LRTM1: variants seen among roughly 807,000 people sequenced by gnomAD.
LRTM1 encodes the protein leucine-rich repeat and transmembrane domain-containing protein 1.
Under a neutral mutation model 32.4 loss-of-function variants are expected in LRTM1, and 38 were observed. That is an observed-to-expected ratio of 1.17 (90% CI 0.91 to 1.54). The LOEUF (loss-of-function observed/expected upper bound fraction) is 1.54, where lower values mean the gene tolerates loss of function less well. Among genes scored for constraint, LRTM1 ranks in the 40% most tolerant of loss-of-function variants. The probability of loss-of-function intolerance (pLI) is 0.00; values close to 1 mark genes in which losing one functional copy is unlikely to be tolerated. For synonymous variants in LRTM1, 186 were observed against 169.9 expected (o/e 1.09, Z -0.74); for missense variants, 466 against 415.4 (o/e 1.12, Z -1.06).
At chr3:54,949,019 G>A (rs1231166165) in intron 1 of LRTM1, among the ~76,000 whole-genome samples, 1 of 152,202 alleles carries the variant, frequency 6.6e-6, no homozygotes, top group Non-Finnish European at 1.5e-5. Flanking sequence ...AAGTTTCTCA[G>A]TCTCTTGTTT....
intron 1 of LRTM1, among the ~76,000 whole-genome samples, chr3:54,957,659 GGGCCTTT>G (rs1701934372): frequency 1.3e-5 from 2 of 151,624 alleles, no homozygotes; most frequent in Admixed American, 1.3e-4. Flanking sequence ...TACGACTGAT[GGGCCTTT>G]GGCAAACTCA....
chr3:54,922,345 A>C (rs994712676), intron 2 of LRTM1, among the ~76,000 whole-genome samples: 5 of 151,100 alleles, frequency 3.3e-5, no homozygotes, highest in Non-Finnish European at 7.4e-5. Flanking sequence ...TTTAATCAAG[A>C]AATGTTCTTT....
chr3:54,925,458 C>G (rs535429886), intron 1 of LRTM1, among the ~76,000 whole-genome samples: 2 of 152,154 alleles, frequency 1.3e-5, no homozygotes, highest in South Asian at 4.1e-4. Context: ...GAAAGATACT[C>G]TCAGTGTCTT....
chr3:54,956,386 C>T (rs1031573634), intron 1 of LRTM1, among the ~76,000 whole-genome samples: 3 of 152,336 alleles, frequency 2.0e-5, no homozygotes, highest in Middle Eastern at 3.4e-3. Flanking sequence ...GACAATTTTG[C>T]TGTGTCAGGC....
intron 1 of LRTM1, among the ~76,000 whole-genome samples, chr3:54,938,907 T>C (rs1445577142): frequency 6.6e-6 from 1 of 152,060 alleles, no homozygotes; most frequent in East Asian, 1.9e-4. Flanking sequence ...GCTGTCCCGC[T>C]GAAGCTGTCC....
intron 1 of LRTM1, among the ~76,000 whole-genome samples, chr3:54,944,396 GTATT>G (rs542683931): frequency 0.036 from 5,374 of 148,606 alleles, 155 homozygotes; most frequent in African/African-American, 0.084. Context: ...ATTTCCCAGG[GTATT>G]TATTTATTTA....
intron 1 of LRTM1, among the ~76,000 whole-genome samples, chr3:54,950,754 A>G (rs1448843263): frequency 1.3e-5 from 2 of 152,192 alleles, no homozygotes; most frequent in Non-Finnish European, 2.9e-5. Flanking sequence ...GCTGAGCCTC[A>G]GATACCAATA....
intron 1 of LRTM1, among the ~76,000 whole-genome samples, chr3:54,939,681 A>G (rs141029223): frequency 0.026 from 4,014 of 152,306 alleles, 81 homozygotes; most frequent in Admixed American, 0.039. Context: ...CACATTTGTC[A>G]TGGCTGTTTC....
At chr3:54,930,663 A>G (rs79087517), upstream of LRTM1, among the ~76,000 whole-genome samples, 5,625 of 152,318 alleles carry the variant, frequency 0.037, 307 homozygotes, top group African/African-American at 0.12. Context: ...CTAAAGTTCT[A>G]TGGTCCTGGG....
chr3:54,937,934 A>T (rs1701370435), intron 1 of LRTM1, among the ~76,000 whole-genome samples: 1 of 152,168 alleles, frequency 6.6e-6, no homozygotes, highest in South Asian at 2.1e-4. Context: ...TATTATTAAT[A>T]TTGAAAACCA....
intron 1 of LRTM1, among the ~76,000 whole-genome samples, chr3:54,925,437 T>G (rs1465432830): frequency 1.3e-5 from 2 of 152,162 alleles, no homozygotes; most frequent in Non-Finnish European, 2.9e-5. Context: ...ACCTATCGTC[T>G]GAAGCCTTGA....
At chr3:54,947,612 A>G (rs1229812120) in intron 1 of LRTM1, among the ~76,000 whole-genome samples, 2 of 152,168 alleles carry the variant, frequency 1.3e-5, no homozygotes, top group African/African-American at 4.8e-5. Context: ...GCCTGATTAT[A>G]GTATGGAGAT....
At chr3:54,925,343 A>G in intron 1 of LRTM1, 128 bp from the exon 2 acceptor site, 1 of 726,174 alleles carries the variant, frequency 1.4e-6, no homozygotes, top group African/African-American at 1.8e-5. Context: ...CCTGCAAGAG[A>G]GGTTCTGTCA....
rs547542341 is a variant in LRTM1 at position 54,943,197 on chromosome 3, C to G, written c.-221-17982G>C. On this transcript the variant is annotated intron_variant, in intron 1 of 2. Coordinates refer to the LRTM1 transcript ENST00000493075. ...AGCCTGGGTAATAGCAACACGCTAT[C>G]TCTGGTAAAAAAAAAAAAAATGAGA... is the stretch of plus-strand genomic sequence containing the variant. Among the ~76,000 whole-genome samples the G allele has an allele frequency of 6.0e-3, 693 of 115,020 alleles. 3 individuals are homozygous for G. The highest frequency in any genetic ancestry group is 0.02 in the African/African-American group (661 of 33,472). 75.5% of individuals were successfully genotyped at this position (115,020 alleles called of 152,430 possible). A position where few individuals can be genotyped will look rare whatever the true frequency, so the allele number is the denominator to read the frequency against.
At chr3:54,961,271 G>A (rs1702024164) in intron 1 of LRTM1, among the ~76,000 whole-genome samples, 1 of 152,194 alleles carries the variant, frequency 6.6e-6, no homozygotes, top group Admixed American at 6.5e-5. Context: ...ACCAAGCCAT[G>A]TAAAAATACC....
At chr3:54,960,742 A>G (rs534449532) in intron 1 of LRTM1, among the ~76,000 whole-genome samples, 6 of 152,280 alleles carry the variant, frequency 3.9e-5, no homozygotes, top group Non-Finnish European at 7.3e-5. Context: ...TTTTGCCCAA[A>G]TTAGTCCCAG....
intron 1 of LRTM1, among the ~76,000 whole-genome samples, chr3:54,946,019 G>A (rs958917707): frequency 7.2e-5 from 11 of 152,146 alleles, no homozygotes; most frequent in South Asian, 4.1e-4. Context: ...GCAGGAAAAC[G>A]AGTACCCTGC....
intron 1 of LRTM1, among the ~76,000 whole-genome samples, chr3:54,933,487 C>T (rs1701257485): frequency 6.6e-6 from 1 of 152,188 alleles, no homozygotes; most frequent in South Asian, 2.1e-4. Flanking sequence ...TGCTCACATT[C>T]TATTAGCCAG....
chr3:54,927,560 CCT>C (rs1701057574), intron 1 of LRTM1, among the ~76,000 whole-genome samples: 1 of 152,130 alleles, frequency 6.6e-6, no homozygotes, highest in Admixed American at 6.5e-5. Context: ...GAAAGGCTTG[CCT>C]CTCTGAGATT....
Sources: gnomAD v4.1 joint callset for allele counts (sites outside exome capture counted in the v4.1 genomes callset) on GRCh38, gnomAD v4.1.1 for gene constraint, MANE v1.5 for transcripts, NCBI Gene and HGNC (gene_info 2026-07-23, HGNC 2026-07-21) for gene names.